The following ADORA1 variants were observed in gnomAD, a reference collection of about 807,000 sequenced individuals.
The protein encoded by ADORA1 is adenosine A1 receptor, also known as adenosine receptor A1.
In ADORA1, 6 loss-of-function variants were observed where a neutral mutation model predicts 19.9. The observed-to-expected ratio is 0.30, with a 90% CI of 0.17 to 0.59. The LOEUF is 0.59. Among genes scored for constraint, ADORA1 ranks in the 20% least tolerant of loss-of-function variants. ADORA1 has a pLI of 0.87. For synonymous variants in ADORA1, 194 were observed against 188.4 expected, an observed-to-expected ratio of 1.03 and a Z score of -0.24; for missense variants, 302 against 439.2, an observed-to-expected ratio of 0.69 and a Z score of 2.79.
At chr1:203,147,168 G>A (rs1279785080) in intron 3 of ADORA1, among the ~76,000 whole-genome samples, 4 of 152,146 alleles carry the variant, frequency 2.6e-5, no homozygotes, top group African/African-American at 9.7e-5. Flanking sequence ...GCTCTTCTTC[G>A]CTCACAAGCT....
intron 3 of ADORA1, among the ~76,000 whole-genome samples, chr1:203,157,892 C>G (rs1290639115): frequency 1.3e-5 from 2 of 152,230 alleles, no homozygotes; most frequent in African/African-American, 2.4e-5. Flanking sequence ...TGCCGAGGTC[C>G]TGCCTGGTGT....
At chr1:203,137,560 G>A (rs976590973) in intron 3 of ADORA1, among the ~76,000 whole-genome samples, 1 of 152,172 alleles carries the variant, frequency 6.6e-6, no homozygotes, top group Non-Finnish European at 1.5e-5. Flanking sequence ...CAGTGATTCA[G>A]GTAAGGGAAG....
At chr1:203,132,147 G>A (rs1654362199) in intron 3 of ADORA1, among the ~76,000 whole-genome samples, 1 of 152,170 alleles carries the variant, frequency 6.6e-6, no homozygotes, top group African/African-American at 2.4e-5. Flanking sequence ...TCAGTAACCT[G>A]TGGTCATTTG....
In ADORA1 at chr1:203,128,482, ATGGGAGACCCCTCT is replaced by A. The variant is rs1393543644; in HGVS notation, c.-58+51_-58+64del. 1 of 1,235,420 alleles carries A rather than the reference ATGGGAGACCCCTCT, an allele frequency of 8.1e-7. No individual in the cohort carries two copies. The highest frequency in any genetic ancestry group is 2.4e-5 in the Admixed American group (1 of 41,764). The allele number at this position is 1,235,420 out of a possible 1,614,324, so 76.5% of individuals were successfully genotyped here. On this transcript the variant is annotated intron_variant, in intron 2 of 3. Transcript: ENST00000337894. This position sits in a 1 kb window ranked among gnomAD's most constrained non-coding sequence, Gnocchi z 5.9. ...TGCACAGGGGTGGGCAGAGCCAGTC[ATGGGAGACCCCTCT>A]GTGCGTGTGTCTGTGTGTGCGCGCG...
chr1:203,154,219 T>C (rs1275673702), intron 3 of ADORA1, among the ~76,000 whole-genome samples: 1 of 152,158 alleles, frequency 6.6e-6, no homozygotes, highest in Non-Finnish European at 1.5e-5. Context: ...CAAACCCACA[T>C]GTGGGTTCTC....
At chr1:203,157,640 C>T (rs1655237823) in intron 3 of ADORA1, among the ~76,000 whole-genome samples, 1 of 152,224 alleles carries the variant, frequency 6.6e-6, no homozygotes, top group Non-Finnish European at 1.5e-5. Flanking sequence ...GGCTTCCAGG[C>T]TGTCCATGAT....
intron 3 of ADORA1, among the ~76,000 whole-genome samples, chr1:203,162,672 A>G (rs775365630): frequency 6.6e-6 from 1 of 152,166 alleles, no homozygotes; most frequent in Non-Finnish European, 1.5e-5. Context: ...AACAACCCAC[A>G]GTCAGCCTGG....
chr1:203,162,556 C>A (rs972226828), intron 3 of ADORA1, among the ~76,000 whole-genome samples: 2 of 152,190 alleles, frequency 1.3e-5, no homozygotes, highest in Non-Finnish European at 2.9e-5. Flanking sequence ...TCACCTACCC[C>A]ACCCCACTGA....
chr1:203,131,428 G>GAAT (rs1654328070), intron 3 of ADORA1, among the ~76,000 whole-genome samples: 1 of 152,198 alleles, frequency 6.6e-6, no homozygotes, highest in Non-Finnish European at 1.5e-5. Flanking sequence ...CTCAGTGTCT[G>GAAT]GCACATCACA....
At chr1:203,142,834 G>T (rs1365323535) in intron 3 of ADORA1, among the ~76,000 whole-genome samples, 1 of 152,184 alleles carries the variant, frequency 6.6e-6, no homozygotes, top group African/African-American at 2.4e-5. Flanking sequence ...CTCCCCTGGG[G>T]CCTGGCAGCT....
At chr1:203,153,708 C>A (rs183260747) in intron 3 of ADORA1, among the ~76,000 whole-genome samples, 1 of 152,208 alleles carries the variant, frequency 6.6e-6, no homozygotes, top group Non-Finnish European at 1.5e-5. Context: ...TCCCCAGGGC[C>A]CCTGAAGCAG....
intron 3 of ADORA1, chr1:203,150,679 G>T (rs1413908765): frequency 7.8e-7 from 1 of 1,289,814 alleles, no homozygotes. Flanking sequence ...AGGAAGAACT[G>T]AAGTTAGACT....
At chr1:203,140,590 T>C (rs963175632) in intron 3 of ADORA1, among the ~76,000 whole-genome samples, 2 of 152,136 alleles carry the variant, frequency 1.3e-5, no homozygotes, top group African/African-American at 2.4e-5. Context: ...GGAGGGGCTC[T>C]CTCTTACCTC....
At chr1:203,138,105 T>A (rs186269443) in intron 3 of ADORA1, among the ~76,000 whole-genome samples, 1 of 152,222 alleles carries the variant, frequency 6.6e-6, no homozygotes, top group African/African-American at 2.4e-5. Flanking sequence ...TTCCTATAGA[T>A]TGGATGTGAG....
chr1:203,136,888 A>G (rs1654529164), intron 3 of ADORA1, among the ~76,000 whole-genome samples: 1 of 152,260 alleles, frequency 6.6e-6, no homozygotes, highest in Non-Finnish European at 1.5e-5. Flanking sequence ...TTCAACAAAT[A>G]CTTATTGAGT....
chr1:203,146,677 C>A (rs1238264178), intron 3 of ADORA1, among the ~76,000 whole-genome samples: 1 of 150,778 alleles, frequency 6.6e-6, no homozygotes, highest in East Asian at 1.9e-4. Flanking sequence ...TTGCAGATAA[C>A]AGAGAAATCA....
In ADORA1 at chr1:203,165,520, C is replaced by G; in HGVS notation, c.601C>G (p.Leu201Val). ...PPLLLMVLIYLEVFYLIRKQL... is the reference protein window; with the variant it reads ...PPLLLMVLIYVEVFYLIRKQL... Reference sequence around the variant, plus strand: ...GCTTCTCCTCATGGTCCTCATCTACCTGGAGGTCTTCTACCTAATCCGCAA... The same window carrying G: ...GCTTCTCCTCATGGTCCTCATCTACGTGGAGGTCTTCTACCTAATCCGCAA... The change falls in exon 4 of 4, where the codon CTG (leucine) becomes GTG (valine). Residue 201 changes from leucine (L) to valine (V), a missense_variant. Leu to Val is a conservative substitution (Grantham distance 32). Coordinates refer to ENST00000337894, the MANE Select transcript of ADORA1 (RefSeq NM_000674.3). This position sits in a 1 kb window ranked among gnomAD's most constrained non-coding sequence, Gnocchi z 5.9. 6.2e-7 allele frequency: 1 copy of G among 1,613,736 alleles called. No individual in the cohort carries two copies. The highest frequency in any genetic ancestry group is 1.1e-5 in the South Asian group (1 of 91,028).
At chr1:203,148,639 G>A (rs1170607215) in intron 3 of ADORA1, among the ~76,000 whole-genome samples, 1 of 152,208 alleles carries the variant, frequency 6.6e-6, no homozygotes, top group Non-Finnish European at 1.5e-5. Context: ...GGAGGGGAGA[G>A]AGCAGTGTGG....
intron 3 of ADORA1, among the ~76,000 whole-genome samples, chr1:203,139,807 A>T (rs1654621727): frequency 6.6e-6 from 1 of 152,106 alleles, no homozygotes; most frequent in South Asian, 2.1e-4. Flanking sequence ...ACTCAAAGGG[A>T]GCCGTGCTGG....
Sources: gnomAD v4.1 joint callset for allele counts (sites outside exome capture counted in the v4.1 genomes callset) on GRCh38, gnomAD v4.1.1 for gene constraint, Gnocchi (gnomAD v3.1) non-coding constraint, MANE v1.5 for transcripts, NCBI Gene and HGNC (gene_info 2026-07-23, HGNC 2026-07-21) for gene names.